Variants in PCSK2 observed in about 807,000 individuals in gnomAD.
The protein encoded by PCSK2 is proprotein convertase subtilisin/kexin type 2.
Under a neutral mutation model 69.7 loss-of-function variants are expected in PCSK2, and 14 were observed. That is an observed-to-expected ratio of 0.20 (90% CI 0.13 to 0.31). The LOEUF is 0.31. Among genes scored for constraint, PCSK2 ranks in the 10% least tolerant of loss-of-function variants. The pLI, the probability that PCSK2 is intolerant of heterozygous loss-of-function variation, is 1.00. For synonymous variants in PCSK2, 307 were observed against 320.7 expected (o/e 0.96, Z 0.46); for missense variants, 544 against 842.5 (o/e 0.65, Z 4.39).
chr20:17,314,639 A>G (rs1989622742), intron 2 of PCSK2, among the ~76,000 whole-genome samples: 1 of 152,204 alleles, frequency 6.6e-6, no homozygotes, highest in African/African-American at 2.4e-5. Flanking sequence ...ACTACACATT[A>G]AGCCAGATGA....
intron 5 of PCSK2, among the ~76,000 whole-genome samples, chr20:17,378,644 AATGG>A (rs1371052154): frequency 1.2e-5 from 1 of 80,398 alleles, no homozygotes; most frequent in Non-Finnish European, 2.6e-5. Context: ...TGGATGGATG[AATGG>A]ATGGATGGAT....
At chr20:17,321,962 T>G (rs1239549279) in intron 2 of PCSK2, among the ~76,000 whole-genome samples, 1 of 152,132 alleles carries the variant, frequency 6.6e-6, no homozygotes, top group Non-Finnish European at 1.5e-5. Context: ...TCTCTTGTGA[T>G]GTACCTCTCT....
chr20:17,303,994 G>A (rs533709964), intron 2 of PCSK2, among the ~76,000 whole-genome samples: 10 of 149,268 alleles, frequency 6.7e-5, no homozygotes. Context: ...ACCATATATA[G>A]CTATTACATA....
At chr20:17,448,262 C>T (rs1010076913) in intron 8 of PCSK2, among the ~76,000 whole-genome samples, 7 of 152,146 alleles carry the variant, frequency 4.6e-5, no homozygotes, top group Non-Finnish European at 8.8e-5. Flanking sequence ...GGTGGCTACC[C>T]ATTGGTTAGG....
chr20:17,276,084 C>A (rs537587854), intron 2 of PCSK2, among the ~76,000 whole-genome samples: 2 of 152,242 alleles, frequency 1.3e-5, no homozygotes, highest in South Asian at 4.1e-4. Context: ...TACATGGTGA[C>A]TGATACTGAT....
At chr20:17,383,524 A>T (rs1444642988) in intron 5 of PCSK2, among the ~76,000 whole-genome samples, 1 of 152,226 alleles carries the variant, frequency 6.6e-6, no homozygotes, top group Non-Finnish European at 1.5e-5. Flanking sequence ...CTTTTAATTC[A>T]TTCATTTGTG....
At chr20:17,473,693 T>C (rs1260890792) in intron 11 of PCSK2, among the ~76,000 whole-genome samples, 1 of 152,204 alleles carries the variant, frequency 6.6e-6, no homozygotes, top group Non-Finnish European at 1.5e-5. Flanking sequence ...AAGAAACATC[T>C]GGAAAATACT....
intron 7 of PCSK2, among the ~76,000 whole-genome samples, chr20:17,432,549 AC>A (rs773415845): frequency 3.7e-4 from 57 of 152,100 alleles, no homozygotes; most frequent in Non-Finnish European, 7.5e-4. Flanking sequence ...TTTAAAAAGG[AC>A]CCCATTCTTT....
chr20:17,233,929 G>T lies in PCSK2; in HGVS notation c.177+6447G>T, dbSNP rs531996157. Among the ~76,000 whole-genome samples the T allele has an allele frequency of 5.9e-5, 9 of 152,208 alleles. No homozygotes were observed. The South Asian group carries it at 1.9e-3, about 32-fold the overall frequency. On this transcript the variant is annotated intron_variant, in intron 1 of 11. Coordinates refer to ENST00000262545, the MANE Select transcript of PCSK2 (RefSeq NM_002594.5). ...TTCTCTGTGTTCTGCTCTCCTCTGG[G>T]GCTTGATGTAATTGAGAACAGTACA...
intron 2 of PCSK2, among the ~76,000 whole-genome samples, chr20:17,318,531 C>T (rs537403175): frequency 1.3e-5 from 2 of 152,184 alleles, no homozygotes; most frequent in Non-Finnish European, 2.9e-5. Context: ...TGGGTAATGT[C>T]AAGTGTCTGT....
chr20:17,273,471 C>G (rs959101062), intron 2 of PCSK2, among the ~76,000 whole-genome samples: 1 of 152,160 alleles, frequency 6.6e-6, no homozygotes, highest in Non-Finnish European at 1.5e-5. Flanking sequence ...GGAAGTATGA[C>G]TCCATCTAAA....
intron 1 of PCSK2, among the ~76,000 whole-genome samples, chr20:17,259,209 C>T (rs930880693): frequency 4.6e-5 from 7 of 152,194 alleles, no homozygotes; most frequent in Middle Eastern, 3.4e-3. Flanking sequence ...TAGTGGAATG[C>T]TTTTTGATTT....
chr20:17,307,682 A>T (rs1038698409), intron 2 of PCSK2, among the ~76,000 whole-genome samples: 5 of 152,218 alleles, frequency 3.3e-5, no homozygotes, highest in Admixed American at 1.3e-4. Context: ...CTCTGGGGAT[A>T]CAACATACTC....
intron 5 of PCSK2, among the ~76,000 whole-genome samples, chr20:17,384,458 C>T (rs540783134): frequency 2.8e-4 from 42 of 149,638 alleles, no homozygotes; most frequent in African/African-American, 9.0e-4. Flanking sequence ...CAAAATTAGC[C>T]GGGCATGGTG....
At chr20:17,288,656 ATGAGAAGGGCAAATTT>A (rs2123061281) in intron 2 of PCSK2, among the ~76,000 whole-genome samples, 1 of 152,340 alleles carries the variant, frequency 6.6e-6, no homozygotes, top group African/African-American at 2.4e-5. Context: ...GTAAACACCC[ATGAGAAGGGCAAATTT>A]GGACACAGAC....
chr20:17,309,496 A>C (rs1483493049), intron 2 of PCSK2, among the ~76,000 whole-genome samples: 1 of 152,224 alleles, frequency 6.6e-6, no homozygotes, highest in African/African-American at 2.4e-5. Flanking sequence ...CATTGCTATA[A>C]GGAAATACCT....
intron 7 of PCSK2, among the ~76,000 whole-genome samples, chr20:17,435,912 G>A (rs2032475760): frequency 6.6e-6 from 1 of 152,160 alleles, no homozygotes; most frequent in African/African-American, 2.4e-5. Flanking sequence ...CGGAGGCCTA[G>A]GAGCACCAGC....
At chr20:17,473,221 G>A (rs2033236221) in intron 11 of PCSK2, among the ~76,000 whole-genome samples, 1 of 150,186 alleles carries the variant, frequency 6.7e-6, no homozygotes, top group Admixed American at 6.7e-5. Context: ...AGCCTCCTGA[G>A]TAGCTGCGAT....
intron 5 of PCSK2, among the ~76,000 whole-genome samples, chr20:17,389,902 T>C (rs2031330632): frequency 6.6e-6 from 1 of 152,142 alleles, no homozygotes; most frequent in African/African-American, 2.4e-5. Flanking sequence ...CAACCAGCAA[T>C]CCCACTCCTA....
Sources: gnomAD v4.1 joint callset for allele counts (sites outside exome capture counted in the v4.1 genomes callset) on GRCh38, gnomAD v4.1.1 for gene constraint, MANE v1.5 for transcripts, NCBI Gene and HGNC (gene_info 2026-07-23, HGNC 2026-07-21) for gene names.